SPAG16: variants seen among roughly 807,000 people sequenced by gnomAD.
SPAG16 encodes the protein sperm associated antigen 16, also known as sperm-associated antigen 16 protein.
Under a neutral mutation model 80.4 loss-of-function variants are expected in SPAG16, and 86 were observed. The observed-to-expected ratio is 1.07, with a 90% confidence interval of 0.90 to 1.28. The LOEUF (loss-of-function observed/expected upper bound fraction) is 1.28, where lower values mean the gene tolerates loss of function less well. Ranked by LOEUF, SPAG16 falls within the 50% of genes most tolerant of loss-of-function variation. SPAG16 has a pLI of 0.00. For missense variants in SPAG16, 870 were observed against 765.3 expected (o/e 1.14, Z -1.61); for synonymous variants, 294 against 265.9 (o/e 1.11, Z -1.03).
At chr2:213,812,585 T>C (rs2072240550) in intron 10 of SPAG16, among the ~76,000 whole-genome samples, 1 of 152,176 alleles carries the variant, frequency 6.6e-6, no homozygotes, top group South Asian at 2.1e-4. Context: ...GTGCATTAGT[T>C]CATGAGAGAA....
chr2:213,916,614 G>A lies in SPAG16; in HGVS notation c.1215-13346G>A, dbSNP rs557068235. ...TCTTGTGAGACATTCACTATCTTGA[G>A]AACAGCACAAGAAAAACCTGCAACC... On this transcript the variant is annotated intron_variant, in intron 11 of 15. Coordinates refer to ENST00000331683, the MANE Select transcript of SPAG16 (RefSeq NM_024532.5). Among the ~76,000 whole-genome samples, 10 of 152,168 alleles carry A rather than the reference G, an allele frequency of 6.6e-5. No homozygotes were observed. The South Asian group carries it at 2.1e-3, about 32-fold the overall frequency.
intron 12 of SPAG16, among the ~76,000 whole-genome samples, chr2:213,945,455 G>A (rs7563739): frequency 0.17 from 25,529 of 151,710 alleles, 3,108 homozygotes; most frequent in African/African-American, 0.35. Flanking sequence ...ACTGAAGAAC[G>A]TGGAGTCAGT....
intron 15 of SPAG16, among the ~76,000 whole-genome samples, chr2:214,347,436 G>T (rs918126633): frequency 6.6e-6 from 1 of 151,916 alleles, no homozygotes; most frequent in Non-Finnish European, 1.5e-5. Context: ...AAATATAGCT[G>T]CAAGGCAAAG....
At chr2:213,836,962 C>G (rs2074122832) in intron 10 of SPAG16, among the ~76,000 whole-genome samples, 1 of 152,030 alleles carries the variant, frequency 6.6e-6, no homozygotes, top group Non-Finnish European at 1.5e-5. Flanking sequence ...CTCTCTCTCT[C>G]TCTCATAAAA....
chr2:213,684,356 T>G lies in SPAG16; in HGVS notation c.1071-178129T>G, dbSNP rs9677726. The stretch of plus-strand genomic sequence containing the variant: ...GGTGTGCAAAGGAAAGTGGAAGGTT[T>G]TAGTTAAAATTAGATCAGAGCATAC... On this transcript the variant is annotated intron_variant, in intron 10 of 15. Coordinates refer to ENST00000331683, the MANE Select transcript of SPAG16 (RefSeq NM_024532.5). 4.1e-3 allele frequency among the ~76,000 whole-genome samples: 627 copies of G among 152,292 alleles called. 6 individuals are homozygous for G. Among genetic ancestry groups the G allele is most frequent in the African/African-American group, 0.014 (592 of 41,552 alleles).
intron 10 of SPAG16, among the ~76,000 whole-genome samples, chr2:213,857,769 T>C (rs1293290233): frequency 6.6e-6 from 1 of 152,222 alleles, no homozygotes; most frequent in Non-Finnish European, 1.5e-5. Flanking sequence ...CCATAGACAG[T>C]GATTCCTCTG....
chr2:213,648,595 GACACACAC>G (rs10538676), intron 10 of SPAG16, among the ~76,000 whole-genome samples: 3 of 149,468 alleles, frequency 2.0e-5, no homozygotes, highest in Non-Finnish European at 3.0e-5. Context: ...GGCACACACA[GACACACAC>G]ACACACACAC....
At chr2:214,296,521 T>C (rs1485140901) in intron 15 of SPAG16, among the ~76,000 whole-genome samples, 2 of 152,198 alleles carry the variant, frequency 1.3e-5, no homozygotes, top group African/African-American at 4.8e-5. Flanking sequence ...GTACAAACAT[T>C]CTCTTTTCTC....
intron 14 of SPAG16, among the ~76,000 whole-genome samples, chr2:214,130,465 C>T (rs1441138035): frequency 6.6e-6 from 1 of 152,186 alleles, no homozygotes; most frequent in African/African-American, 2.4e-5. Context: ...GCAAACACCA[C>T]AGCAAACCTG....
At chr2:213,832,343 A>G (rs762048288) in intron 10 of SPAG16, among the ~76,000 whole-genome samples, 1 of 152,036 alleles carries the variant, frequency 6.6e-6, no homozygotes, top group Non-Finnish European at 1.5e-5. Context: ...GAAGTATGGC[A>G]CCTTGGCATG....
intron 12 of SPAG16, among the ~76,000 whole-genome samples, chr2:214,011,828 C>T (rs1349026132): frequency 3.3e-5 from 5 of 152,042 alleles, no homozygotes; most frequent in Non-Finnish European, 7.4e-5. Context: ...CATACATATT[C>T]ATATACATGC....
intron 15 of SPAG16, among the ~76,000 whole-genome samples, chr2:214,273,956 TC>T (rs1332863173): frequency 6.6e-6 from 1 of 152,182 alleles, no homozygotes; most frequent in African/African-American, 2.4e-5. Flanking sequence ...TTTGTTTGTG[TC>T]CCCCTTTATT....
intron 15 of SPAG16, among the ~76,000 whole-genome samples, chr2:214,305,064 C>A (rs1161952729): frequency 5.3e-5 from 8 of 152,178 alleles, no homozygotes; most frequent in African/African-American, 1.9e-4. Flanking sequence ...TCAATCATAG[C>A]CATTCTGACT....
intron 15 of SPAG16, among the ~76,000 whole-genome samples, chr2:214,232,929 T>C (rs1447985411): frequency 6.6e-6 from 1 of 151,594 alleles, no homozygotes; most frequent in Non-Finnish European, 1.5e-5. Context: ...ATAAATAAAA[T>C]GTAGCATATC....
intron 15 of SPAG16, among the ~76,000 whole-genome samples, chr2:214,326,721 GGATCACGA>G (rs1696511813): frequency 6.6e-6 from 1 of 151,978 alleles, no homozygotes; most frequent in Non-Finnish European, 1.5e-5. Flanking sequence ...CGAGGCAGGC[GGATCACGA>G]GATCAGGAGA....
intron 8 of SPAG16, among the ~76,000 whole-genome samples, chr2:213,368,911 A>G (rs1389001431): frequency 6.6e-6 from 1 of 152,222 alleles, no homozygotes; most frequent in African/African-American, 2.4e-5. Context: ...ATGAAGTAAA[A>G]GAGGACACAA....
chr2:213,841,948 A>T (rs1019412275), intron 10 of SPAG16, among the ~76,000 whole-genome samples: 1 of 152,094 alleles, frequency 6.6e-6, no homozygotes, highest in Non-Finnish European at 1.5e-5. Flanking sequence ...ATGAGATAGG[A>T]TATATCTAGG....
chr2:214,162,227 G>A (rs963221792), intron 15 of SPAG16, among the ~76,000 whole-genome samples: 1 of 152,066 alleles, frequency 6.6e-6, no homozygotes, highest in East Asian at 1.9e-4. Context: ...GGACCTTTTG[G>A]TGGGACATGT....
intron 15 of SPAG16, among the ~76,000 whole-genome samples, chr2:214,300,593 G>C (rs186691426): frequency 6.6e-6 from 1 of 152,172 alleles, no homozygotes; most frequent in Admixed American, 6.5e-5. Context: ...TCTTAGATTA[G>C]TCACAGATAA....
Sources: allele counts gnomAD v4.1 joint callset (sites outside exome capture counted in the v4.1 genomes callset), GRCh38; gene constraint gnomAD v4.1.1; transcripts MANE v1.5; gene names NCBI Gene and HGNC (gene_info 2026-07-23, HGNC 2026-07-21).